The following DDR2 variants were observed in gnomAD, a reference collection of about 807,000 sequenced individuals.
The protein encoded by DDR2 is discoidin domain receptor tyrosine kinase 2.
DDR2 carries 27 observed loss-of-function variants against 94.9 expected under a neutral mutation model. The ratio of observed to expected loss-of-function variants is 0.28; its 90% CI spans 0.21 to 0.39. The LOEUF is 0.39. DDR2 is among the 10% of genes least tolerant of loss of function. The pLI, the probability that DDR2 is intolerant of heterozygous loss-of-function variation, is 1.00. For synonymous variants in DDR2, 382 were observed against 377.2 expected, an observed-to-expected ratio of 1.01 and a Z score of -0.15; for missense variants, 783 against 1,076.0, an observed-to-expected ratio of 0.73 and a Z score of 3.81.
chr1:162,752,426 G>A (rs1704740), intron 3 of DDR2, among the ~76,000 whole-genome samples: 124,579 of 152,156 alleles, frequency 0.82, 52,364 homozygotes, highest in Non-Finnish European at 0.92. Flanking sequence ...GTTGTCCTTC[G>A]TTGTCAGATG....
At position 162,783,266 on chromosome 1, in the gene DDR2, C is replaced by T. The variant is rs1648001420; in HGVS notation, c.*3020C>T. 6.6e-6 allele frequency: 1 copy of T among 152,046 alleles called. No individual in the cohort carries two copies. Among genetic ancestry groups the T allele is most frequent in the African/African-American group, 2.4e-5 (1 of 41,376 alleles). The allele number at this position is 152,046 out of a possible 1,614,324, so 9.4% of individuals were successfully genotyped here. On this transcript the variant is annotated 3_prime_UTR_variant, in exon 18 of 18. Transcript: ENST00000367921. ...TGAAACTTGATGTGCTATCCAGACA[C>T]ATATGATCAGAAAAGATCTAGAGTG...
In DDR2 at chr1:162,759,971, A is replaced by C; in HGVS notation, c.847A>C (p.Thr283Pro). Residue 283 changes from threonine to proline, a missense_variant, in exon 8 of 18, where the codon ACC becomes CCC. Thr to Pro is a conservative substitution (Grantham distance 38, BLOSUM62 -1). Around this residue, in one of 2 missense-constraint regions of DDR2, gnomAD observed 519 missense variants for 647.9 expected, o/e 0.80. Coordinates refer to ENST00000367921, the MANE Select transcript of DDR2 (RefSeq NM_006182.4). ...ATTTGACCGCATCAGGAATTTCACT[A>C]CCATGAAGGTCAGTGGGGTCGGGTG... ...FEFDRIRNFTTMKVHCNNMFA... is the reference protein window; with the variant it reads ...FEFDRIRNFTPMKVHCNNMFA... 1 of 1,614,110 alleles carries C rather than the reference A, an allele frequency of 6.2e-7. No homozygotes were observed. The highest frequency in any genetic ancestry group is 8.5e-7 in the Non-Finnish European group (1 of 1,179,996).
chr1:162,656,833 G>GTTTTTTTTTGTTTTTT (rs1657992082), intron 2 of DDR2, among the ~76,000 whole-genome samples: 1 of 65,682 alleles, frequency 1.5e-5, no homozygotes, highest in Non-Finnish European at 3.0e-5. Flanking sequence ...TGCCACTGGA[G>GTTTTTTTTTGTTTTTT]TTTTTTTTTT....
intron 2 of DDR2, among the ~76,000 whole-genome samples, chr1:162,671,279 C>A (rs943503082): frequency 2.0e-5 from 3 of 152,186 alleles, no homozygotes; most frequent in Non-Finnish European, 4.4e-5. Context: ...CCTCTACTTA[C>A]TCCTTCGTTG....
At chr1:162,765,931 A>G in intron 9 of DDR2, 70 bp from the exon 10 acceptor site, 1 of 1,442,460 alleles carries the variant, frequency 6.9e-7, no homozygotes, top group Non-Finnish European at 9.7e-7. Flanking sequence ...CTAGGTCACA[A>G]TATGCCTTCA....
At chr1:162,640,790 G>A (rs1268183108) in intron 1 of DDR2, among the ~76,000 whole-genome samples, 2 of 152,062 alleles carry the variant, frequency 1.3e-5, no homozygotes, top group Non-Finnish European at 2.9e-5. Context: ...CAGATAAGTA[G>A]GTATTTTTGT....
At chr1:162,754,458 C>G (rs1558066405) in intron 4 of DDR2, among the ~76,000 whole-genome samples, 166 bp from the exon 5 acceptor site, 1 of 152,188 alleles carries the variant, frequency 6.6e-6, no homozygotes. Context: ...GATCTGACCA[C>G]AAATGGGTAC....
At chr1:162,765,459 G>A (rs1024396041) in intron 9 of DDR2, among the ~76,000 whole-genome samples, 8 of 152,052 alleles carry the variant, frequency 5.3e-5, no homozygotes, top group Non-Finnish European at 1.2e-4. Flanking sequence ...TGGCAAATAC[G>A]CTTTTGTGGT....
At chr1:162,777,439 T>G (rs1192868234) in intron 16 of DDR2, among the ~76,000 whole-genome samples, 2 of 151,258 alleles carry the variant, frequency 1.3e-5, no homozygotes, top group Non-Finnish European at 1.5e-5. Flanking sequence ...TTAAGTACTT[T>G]CCAATTTCCT....
In DDR2 at chr1:162,780,695, A is replaced by T. The variant is rs947225994; in HGVS notation, c.*449A>T. 1.2e-5 allele frequency: 2 copies of T among 169,566 alleles called. No individual in the cohort carries two copies. The highest frequency in any genetic ancestry group is 4.8e-5 in the African/African-American group (2 of 41,594). 10.5% of individuals were successfully genotyped at this position (169,566 alleles called of 1,614,324 possible). ...AGATTAAGTTTAGGGAAAACACTTGATAGATGTGGAGAATCTGAGGACTCA... is the reference window on the plus strand; with the variant it reads ...AGATTAAGTTTAGGGAAAACACTTGTTAGATGTGGAGAATCTGAGGACTCA... On this transcript the variant is annotated 3_prime_UTR_variant, in exon 18 of 18. Coordinates refer to ENST00000367921, the MANE Select transcript of DDR2 (RefSeq NM_006182.4).
At chr1:162,741,081 C>T (rs1434723159) in intron 3 of DDR2, among the ~76,000 whole-genome samples, 3 of 151,754 alleles carry the variant, frequency 2.0e-5, no homozygotes, top group Admixed American at 6.6e-5. Flanking sequence ...CTGCCAGTTT[C>T]CTCATACAGG....
chr1:162,751,449 A>G (rs1213160294), intron 3 of DDR2, among the ~76,000 whole-genome samples: 1 of 152,256 alleles, frequency 6.6e-6, no homozygotes, highest in African/African-American at 2.4e-5. Context: ...ACAATGAGAT[A>G]CCATCTCACA....
intron 2 of DDR2, among the ~76,000 whole-genome samples, chr1:162,659,071 G>A (rs1658164157): frequency 6.6e-6 from 1 of 152,132 alleles, no homozygotes; most frequent in Non-Finnish European, 1.5e-5. Context: ...TACCAAAAAG[G>A]TAACAAAGTT....
At chr1:162,741,196 A>ATACAG (rs1662573630) in intron 3 of DDR2, among the ~76,000 whole-genome samples, 1 of 63,288 alleles carries the variant, frequency 1.6e-5, no homozygotes, top group Non-Finnish European at 3.6e-5. Context: ...ACATAACATA[A>ATACAG]TACAATACAA....
intron 2 of DDR2, among the ~76,000 whole-genome samples, chr1:162,671,191 C>T (rs914981603): frequency 1.3e-5 from 2 of 152,118 alleles, no homozygotes; most frequent in African/African-American, 2.4e-5. Context: ...AGGAGAAGGT[C>T]GTGGGGCACA....
Position 162,780,809 on chromosome 1 carries a change from G to GAT in DDR2, c.*568_*569dup, listed in dbSNP as rs1647862869. The GAT allele has an allele frequency of 6.5e-6, 1 of 154,832 alleles. No homozygotes were observed. Among genetic ancestry groups the GAT allele is most frequent in the Admixed American group, 6.4e-5 (1 of 15,748 alleles). 9.6% of individuals were successfully genotyped at this position (154,832 alleles called of 1,614,324 possible). ...ATTTCTCTCTCCTGTCAAAGTGAAT[G>GAT]ATATATTCTTGAAAACCCCCAATTT... On this transcript the variant is annotated 3_prime_UTR_variant, in exon 18 of 18. Transcript: ENST00000367921.
chr1:162,647,229 T>C (rs1165743528), intron 1 of DDR2, among the ~76,000 whole-genome samples: 1 of 152,182 alleles, frequency 6.6e-6, no homozygotes, highest in Non-Finnish European at 1.5e-5. Flanking sequence ...CCATCCAGGA[T>C]GAGATAGAAT....
intron 3 of DDR2, among the ~76,000 whole-genome samples, chr1:162,721,279 G>C (rs531929510): frequency 6.6e-6 from 1 of 152,154 alleles, no homozygotes; most frequent in African/African-American, 2.4e-5. Context: ...CAGGAAATGG[G>C]CTATTTGGAG....
At chr1:162,730,760 G>A (rs1042674341) in intron 3 of DDR2, among the ~76,000 whole-genome samples, 6 of 152,116 alleles carry the variant, frequency 3.9e-5, no homozygotes, top group Middle Eastern at 3.4e-3. Flanking sequence ...TGTCCTGTCC[G>A]ACTCTCAAAA....
Sources: allele counts gnomAD v4.1 joint callset (sites outside exome capture counted in the v4.1 genomes callset), GRCh38; gene constraint gnomAD v4.1.1; regional missense constraint gnomAD v4.1.1; transcripts MANE v1.5; gene names NCBI Gene and HGNC (gene_info 2026-07-23, HGNC 2026-07-21).